The following CLVS1 variants were observed in gnomAD, a reference collection of about 807,000 sequenced individuals.
CLVS1 encodes the protein clavesin 1.
A neutral mutation model predicts 33.1 loss-of-function variants in CLVS1; 10 were observed. The ratio of observed to expected loss-of-function variants is 0.30; its 90% CI spans 0.19 to 0.51. The LOEUF (loss-of-function observed/expected upper bound fraction) is 0.51, where lower values mean the gene tolerates loss of function less well. CLVS1 is among the 20% of genes least tolerant of loss of function. The pLI is 0.97. For missense variants in CLVS1, 343 were observed against 433.4 expected, an observed-to-expected ratio of 0.79 and a Z score of 1.85; for synonymous variants, 163 against 166.1, an observed-to-expected ratio of 0.98 and a Z score of 0.14.
At chr8:61,402,359 C>G (rs1277883321) in intron 3 of CLVS1, among the ~76,000 whole-genome samples, 1 of 152,054 alleles carries the variant, frequency 6.6e-6, no homozygotes, top group Non-Finnish European at 1.5e-5. Context: ...TATGACATAT[C>G]TTCCTAGGGA....
At chr8:61,264,219 A>G (rs958338808) in intron 2 of CLVS1, among the ~76,000 whole-genome samples, 1 of 151,938 alleles carries the variant, frequency 6.6e-6, no homozygotes, top group Admixed American at 6.5e-5. Context: ...ATCTCATTCA[A>G]TCCCACGATG....
chr8:61,431,797 A>G (rs1816124666), intron 3 of CLVS1, among the ~76,000 whole-genome samples: 1 of 152,224 alleles, frequency 6.6e-6, no homozygotes, highest in South Asian at 2.1e-4. Flanking sequence ...TATAGGTTAC[A>G]TAAAGCAATG....
chr8:61,174,364 A>G (rs1807069892), intron 2 of CLVS1, among the ~76,000 whole-genome samples: 1 of 152,136 alleles, frequency 6.6e-6, no homozygotes, highest in Non-Finnish European at 1.5e-5. Context: ...TGAACCTGGG[A>G]GGCAGAGGTT....
chr8:61,417,074 A>G (rs142070139), intron 3 of CLVS1, among the ~76,000 whole-genome samples: 27 of 152,312 alleles, frequency 1.8e-4, no homozygotes, highest in South Asian at 1.0e-3. Context: ...CATACTTGGC[A>G]TAAGGAGACA....
At chr8:60,970,109 G>A in the CLVS1 span, among the ~76,000 whole-genome samples, 1 of 152,210 alleles carries the variant, frequency 6.6e-6, no homozygotes, top group Non-Finnish European at 1.5e-5. Flanking sequence ...TACACATGGA[G>A]CTCACATTCT....
chr8:61,402,233 T>A (rs115570837), intron 3 of CLVS1, among the ~76,000 whole-genome samples: 2,027 of 152,122 alleles, frequency 0.013, 47 homozygotes, highest in African/African-American at 0.046. Flanking sequence ...GCCTCTGGAA[T>A]GTAAATTTGG....
chr8:61,014,798 T>C, the CLVS1 span, among the ~76,000 whole-genome samples: 1 of 152,254 alleles, frequency 6.6e-6, no homozygotes, highest in Non-Finnish European at 1.5e-5. Context: ...GGACACAGCA[T>C]AGTTGGGCAA....
intron 1 of CLVS1, among the ~76,000 whole-genome samples, chr8:61,067,972 A>G (rs1433531004): frequency 6.8e-6 from 1 of 147,068 alleles, no homozygotes; most frequent in Non-Finnish European, 1.5e-5. Flanking sequence ...CCTAAATCTA[A>G]AACGAAACTT....
At chr8:61,287,097 A>T (rs1162795698), upstream of CLVS1, among the ~76,000 whole-genome samples, 1 of 152,202 alleles carries the variant, frequency 6.6e-6, no homozygotes, top group Non-Finnish European at 1.5e-5. Context: ...TACTGGATCT[A>T]AATGCCATGT....
the CLVS1 span, among the ~76,000 whole-genome samples, chr8:60,979,822 AC>A: frequency 6.6e-6 from 1 of 152,292 alleles, no homozygotes; most frequent in East Asian, 1.9e-4. Context: ...CAACCCATGC[AC>A]CCTTTTCATG....
At chr8:61,431,903 C>T (rs751119197) in intron 3 of CLVS1, among the ~76,000 whole-genome samples, 32 of 152,286 alleles carry the variant, frequency 2.1e-4, no homozygotes, top group Non-Finnish European at 4.1e-4. Flanking sequence ...CTACTGTGTG[C>T]CAGGTTCTGT....
chr8:61,447,386 G>T (rs1816792836), intron 3 of CLVS1, among the ~76,000 whole-genome samples: 1 of 151,536 alleles, frequency 6.6e-6, no homozygotes, highest in Non-Finnish European at 1.5e-5. Flanking sequence ...ATTAATTATT[G>T]TTATGTTAGA....
chr8:60,994,092 T>C, the CLVS1 span, among the ~76,000 whole-genome samples: 122,745 of 152,112 alleles, frequency 0.81, 49,880 homozygotes, highest in Non-Finnish European at 0.86. Flanking sequence ...TTCACAGTTT[T>C]GAAGGCTGGA....
chr8:61,071,732 C>T (rs528304586), intron 1 of CLVS1, among the ~76,000 whole-genome samples: 1 of 152,292 alleles, frequency 6.6e-6, no homozygotes, highest in African/African-American at 2.4e-5. Flanking sequence ...CTTTGTAACA[C>T]TTTCTTGAGT....
chr8:61,090,984 C>T, intron 1 of CLVS1: 2 of 453,032 alleles, frequency 4.4e-6, no homozygotes, highest in Non-Finnish European at 4.3e-6. Flanking sequence ...GATTAATGAC[C>T]CATGCCCCCC....
chr8:61,399,527 G>A (rs1173174553), intron 3 of CLVS1, among the ~76,000 whole-genome samples: 1 of 152,130 alleles, frequency 6.6e-6, no homozygotes, highest in Non-Finnish European at 1.5e-5. Flanking sequence ...TTGCTGTGCA[G>A]AAGCTTTTTA....
At position 61,202,898 on chromosome 8, in the gene CLVS1, AAG is replaced by A. The variant is rs1807766586; in HGVS notation, c.-152+71039_-152+71040del. ...GATGATGATGATGATTTTAATGAGG[AAG>A]CTGAAGAAAAAGTGCCAGTGAAGCA... On this transcript the variant is annotated intron_variant, in intron 2 of 2. Coordinates refer to the CLVS1 transcript ENST00000522621. 7 of 1,030,052 alleles carry A rather than the reference AAG, an allele frequency of 6.8e-6. No individual in the cohort carries two copies. In the Admixed American group the frequency reaches 1.2e-4, roughly 17 times the overall value. The allele number at this position is 1,030,052 out of a possible 1,614,324, so 63.8% of individuals were successfully genotyped here.
At chr8:61,128,101 T>G (rs1406543347) in intron 1 of CLVS1, among the ~76,000 whole-genome samples, 2 of 152,256 alleles carry the variant, frequency 1.3e-5, no homozygotes, top group Non-Finnish European at 2.9e-5. Context: ...TAAACATGAC[T>G]TTTGATGTCA....
chr8:61,410,586 T>A (rs922887406), intron 3 of CLVS1, among the ~76,000 whole-genome samples: 4 of 152,154 alleles, frequency 2.6e-5, no homozygotes, highest in Non-Finnish European at 5.9e-5. Flanking sequence ...ATTCTCTGCA[T>A]ACCCGCCCCA....
Sources: gnomAD v4.1 joint callset for allele counts (sites outside exome capture counted in the v4.1 genomes callset) on GRCh38, gnomAD v4.1.1 for gene constraint, MANE v1.5 for transcripts, NCBI Gene and HGNC (gene_info 2026-07-23, HGNC 2026-07-21) for gene names.